The following RIN3 variants were observed in gnomAD, a reference collection of about 807,000 sequenced individuals.
RIN3 encodes Ras and Rab interactor 3, also known as RAB5 interacting protein 3.
In RIN3, 54 loss-of-function variants were observed where a neutral mutation model predicts 76.3. The ratio of observed to expected loss-of-function variants is 0.71; its 90% CI spans 0.57 to 0.89. RIN3 has a LOEUF of 0.89. Among genes scored for constraint, RIN3 ranks in the 40% least tolerant of loss-of-function variants. The pLI is 0.00. For missense variants in RIN3, 1,256 were observed against 1,322.1 expected (o/e 0.95, Z 0.78); for synonymous variants, 576 against 564.0 (o/e 1.02, Z -0.30).
At chr14:92,522,225 T>C (rs777287573) in intron 1 of RIN3, among the ~76,000 whole-genome samples, 5 of 152,154 alleles carry the variant, frequency 3.3e-5, no homozygotes, top group Non-Finnish European at 5.9e-5. Context: ...TCAATCTCTA[T>C]AGCCCACTGT....
chr14:92,658,136 C>T (rs1887737900), intron 6 of RIN3, among the ~76,000 whole-genome samples: 1 of 152,224 alleles, frequency 6.6e-6, no homozygotes, highest in Non-Finnish European at 1.5e-5. Flanking sequence ...CAACCCACTC[C>T]ATGAGAGCCT....
intron 8 of RIN3, among the ~76,000 whole-genome samples, chr14:92,682,165 G>T (rs979712990): frequency 1.8e-4 from 28 of 152,192 alleles, no homozygotes; most frequent in African/African-American, 6.5e-4. Flanking sequence ...GAGATTACAG[G>T]CGTGAGCCAC....
chr14:92,681,736 C>T lies in RIN3; in HGVS notation c.2468-3251C>T, dbSNP rs1888669608. Among the ~76,000 whole-genome samples, 1 of 152,176 alleles carries T rather than the reference C, an allele frequency of 6.6e-6. No homozygotes were observed. The highest frequency in any genetic ancestry group is 2.1e-4 in the South Asian group (1 of 4,830). ...GACTTGGGGCAGCAAGGGCTGGGGG[C>T]ACCAGAGCCGACTTCCTGGCCTGGG... is the stretch of plus-strand genomic sequence containing the variant. On this transcript the variant is annotated intron_variant, in intron 8 of 9. Transcript: ENST00000216487. The surrounding 1 kb of genome is among the most constrained non-coding windows in gnomAD (Gnocchi z 4.7).
At chr14:92,571,053 C>T (rs1253709876) in intron 2 of RIN3, among the ~76,000 whole-genome samples, 1 of 152,234 alleles carries the variant, frequency 6.6e-6, no homozygotes, top group Non-Finnish European at 1.5e-5. Context: ...GTGGCAATCA[C>T]TGAGTCTTGG....
chr14:92,566,236 C>T (rs1284809974), intron 2 of RIN3, among the ~76,000 whole-genome samples: 2 of 152,186 alleles, frequency 1.3e-5, no homozygotes, highest in Non-Finnish European at 2.9e-5. Flanking sequence ...TGTGTTCCCT[C>T]ACTACTCCAC....
chr14:92,575,049 A>T (rs1315897699), intron 2 of RIN3, among the ~76,000 whole-genome samples: 1 of 152,232 alleles, frequency 6.6e-6, no homozygotes, highest in Non-Finnish European at 1.5e-5. Flanking sequence ...AGGAGAATTA[A>T]GTGAGATCAT....
intron 1 of RIN3, among the ~76,000 whole-genome samples, chr14:92,535,774 A>G (rs1035627611): frequency 2.0e-5 from 3 of 150,592 alleles, no homozygotes; most frequent in African/African-American, 7.3e-5. Flanking sequence ...TCCCGGGTTC[A>G]AGCGATTCTC....
At chr14:92,555,322 C>T (rs1211982860) in intron 1 of RIN3, among the ~76,000 whole-genome samples, 3 of 152,070 alleles carry the variant, frequency 2.0e-5, no homozygotes, top group South Asian at 2.1e-4. Context: ...AGCTGTGTCT[C>T]GCCATTTCCT....
chr14:92,548,345 G>A (rs185500463), intron 1 of RIN3, among the ~76,000 whole-genome samples: 9 of 152,248 alleles, frequency 5.9e-5, no homozygotes, highest in Admixed American at 5.9e-4. Context: ...GTGACCTTTG[G>A]TGAATTATTT....
chr14:92,543,375 G>A (rs536577455), intron 1 of RIN3, among the ~76,000 whole-genome samples: 39 of 152,234 alleles, frequency 2.6e-4, no homozygotes, highest in African/African-American at 9.1e-4. Flanking sequence ...CTCGGAATGG[G>A]TTGCCTGGTG....
At position 92,526,990 on chromosome 14, in the gene RIN3, G is replaced by T. The variant is rs1001269826; in HGVS notation, c.44+13014G>T. 4.0e-5 allele frequency among the ~76,000 whole-genome samples: 6 copies of T among 151,616 alleles called. No individual in the cohort carries two copies. In the East Asian group the frequency reaches 1.2e-3, roughly 29 times the overall value. On this transcript the variant is annotated intron_variant, in intron 1 of 9. Coordinates refer to ENST00000216487, the MANE Select transcript of RIN3 (RefSeq NM_024832.5). ...CTCGTGGCTGTACCTCTCCATTCTC[G>T]GACTCCATTGTCACTTGGCTGTGTT... is the stretch of plus-strand genomic sequence containing the variant.
chr14:92,634,099 A>G (rs1408286110), intron 4 of RIN3, among the ~76,000 whole-genome samples: 4 of 124,414 alleles, frequency 3.2e-5, no homozygotes, highest in Admixed American at 9.0e-5. Context: ...TTTGAGATGA[A>G]GTTTCACTAT....
intron 1 of RIN3, among the ~76,000 whole-genome samples, chr14:92,523,157 G>T (rs535179047): frequency 6.6e-6 from 1 of 152,162 alleles, no homozygotes; most frequent in African/African-American, 2.4e-5. Flanking sequence ...TTGTCACCCA[G>T]GCTGGAGTGC....
chr14:92,629,029 C>T (rs1322036438), intron 4 of RIN3, among the ~76,000 whole-genome samples: 5 of 152,234 alleles, frequency 3.3e-5, no homozygotes, highest in South Asian at 2.1e-4. Context: ...CACATGGAAA[C>T]GCCTTAGTTT....
chr14:92,550,251 T>C (rs1566838287), intron 1 of RIN3, among the ~76,000 whole-genome samples: 1 of 152,202 alleles, frequency 6.6e-6, no homozygotes, highest in Non-Finnish European at 1.5e-5. Flanking sequence ...AGAGAAGCGT[T>C]ATAACTCGGG....
At chr14:92,611,055 A>G (rs182964914) in intron 3 of RIN3, among the ~76,000 whole-genome samples, 66 of 151,890 alleles carry the variant, frequency 4.3e-4, no homozygotes, top group Non-Finnish European at 8.0e-4. Context: ...TTAGAGCAAC[A>G]TAAACTCATT....
At chr14:92,657,367 C>G (rs11624300) in intron 6 of RIN3, among the ~76,000 whole-genome samples, 9 of 35,178 alleles carry the variant, frequency 2.6e-4, no homozygotes, top group African/African-American at 5.7e-4. Flanking sequence ...TCTCAAAAAA[C>G]AAAAAAGAAA....
chr14:92,687,692 C>G, intron 9 of RIN3: 1 of 515,962 alleles, frequency 1.9e-6, no homozygotes, highest in African/African-American at 2.1e-5. Flanking sequence ...GCAGGGACTC[C>G]GAGACGCGCC....
chr14:92,557,513 G>A (rs183255824), intron 2 of RIN3, among the ~76,000 whole-genome samples: 7 of 152,348 alleles, frequency 4.6e-5, no homozygotes, highest in East Asian at 3.9e-4. Flanking sequence ...CTCAGATGGC[G>A]AATGGACTCG....
Sources: allele counts gnomAD v4.1 joint callset (sites outside exome capture counted in the v4.1 genomes callset), GRCh38; gene constraint gnomAD v4.1.1; non-coding constraint Gnocchi (gnomAD v3.1); transcripts MANE v1.5; gene names NCBI Gene and HGNC (gene_info 2026-07-23, HGNC 2026-07-21).